IKZF1: variants seen among roughly 807,000 people sequenced by gnomAD.
The protein encoded by IKZF1 is DNA-binding protein Ikaros.
A neutral mutation model predicts 51.7 loss-of-function variants in IKZF1; 10 were observed. The ratio of observed to expected loss-of-function variants is 0.19; its 90% CI spans 0.12 to 0.33. The LOEUF (loss-of-function observed/expected upper bound fraction) is 0.33, where lower values mean the gene tolerates loss of function less well. Ranked by LOEUF, IKZF1 falls within the 10% of genes least tolerant of loss-of-function variation. IKZF1 has a pLI of 1.00. For missense variants in IKZF1, 484 were observed against 707.5 expected (o/e 0.68, Z 3.58); for synonymous variants, 280 against 282.3 (o/e 0.99, Z 0.08).
At chr7:50,375,633 G>A (rs1282251122) in intron 3 of IKZF1, among the ~76,000 whole-genome samples, 2 of 151,932 alleles carry the variant, frequency 1.3e-5, no homozygotes, top group African/African-American at 4.8e-5. Context: ...CTTGTGATGT[G>A]TGACTTAAAG....
rs1306274936 is a variant in IKZF1, at chr7:50,339,594, GAA to G, written c.160+11846_160+11847del. Among the ~76,000 whole-genome samples, 3 of 149,330 alleles carry G rather than the reference GAA, an allele frequency of 2.0e-5. No individual in the cohort carries two copies. The East Asian group carries it at 5.9e-4, about 29-fold the overall frequency. The stretch of plus-strand genomic sequence containing the variant: ...TGAAACCCCATCTCTACTAAAATAT[GAA>G]AAAAAAAATTAGCTGGGTGTGGTGG... On this transcript the variant is annotated intron_variant, in intron 3 of 7. Transcript: ENST00000331340.
At chr7:50,321,711 T>A (rs887563924) in intron 2 of IKZF1, among the ~76,000 whole-genome samples, 1 of 152,124 alleles carries the variant, frequency 6.6e-6, no homozygotes, top group Admixed American at 6.5e-5. Context: ...AATGTTTATA[T>A]AAGGAATAGC....
chr7:50,397,361 G>A (rs995850195), intron 7 of IKZF1, among the ~76,000 whole-genome samples: 2 of 152,200 alleles, frequency 1.3e-5, no homozygotes, highest in South Asian at 4.1e-4. Flanking sequence ...TATTAAGGAA[G>A]AGAAATTCTA....
At chr7:50,335,589 A>G (rs1397937001) in intron 3 of IKZF1, among the ~76,000 whole-genome samples, 2 of 128,966 alleles carry the variant, frequency 1.6e-5, no homozygotes, top group African/African-American at 3.0e-5. Context: ...TTGTATGTGT[A>G]TGGGATGTGT....
At chr7:50,321,521 A>G (rs1260274336) in intron 2 of IKZF1, among the ~76,000 whole-genome samples, 1 of 152,224 alleles carries the variant, frequency 6.6e-6, no homozygotes, top group Non-Finnish European at 1.5e-5. Flanking sequence ...CAGAGGCCAA[A>G]AAGATGCTTT....
chr7:50,354,781 C>T (rs1328712490), intron 3 of IKZF1, among the ~76,000 whole-genome samples: 3 of 152,028 alleles, frequency 2.0e-5, no homozygotes. Flanking sequence ...GGCTGTCTCC[C>T]CATGATGGGG....
Position 50,341,512 on chromosome 7 carries a change from A to G in IKZF1, c.160+13755A>G, listed in dbSNP as rs1269783767. Among the ~76,000 whole-genome samples the G allele has an allele frequency of 2.6e-5, 4 of 152,240 alleles. 1 individual carries two copies. In the South Asian group the frequency reaches 6.2e-4, roughly 24 times the overall value. ...CCAGCTTTATGCCTTATGAGACGCA[A>G]CAACGTTGAACAGTCATTGTTTGAG... On this transcript the variant is annotated intron_variant, in intron 3 of 7. Transcript: ENST00000331340.
chr7:50,348,958 C>T (rs1584672293), intron 3 of IKZF1, among the ~76,000 whole-genome samples: 1 of 152,190 alleles, frequency 6.6e-6, no homozygotes, highest in Admixed American at 6.5e-5. Context: ...CAGGTCCAGT[C>T]TCCAGCATGG....
intron 3 of IKZF1, among the ~76,000 whole-genome samples, chr7:50,367,389 G>T (rs544105505): frequency 6.6e-6 from 1 of 152,282 alleles, no homozygotes; most frequent in Non-Finnish European, 1.5e-5. Context: ...GGAACATGCT[G>T]GGAAACTGTC....
chr7:50,352,681 C>G (rs552599313), intron 3 of IKZF1, among the ~76,000 whole-genome samples: 58 of 152,276 alleles, frequency 3.8e-4, no homozygotes, highest in African/African-American at 1.4e-3. Context: ...ACATTTTCAA[C>G]CTCTTCGGTC....
At chr7:50,334,632 T>C (rs1033893953) in intron 3 of IKZF1, among the ~76,000 whole-genome samples, 1 of 151,490 alleles carries the variant, frequency 6.6e-6, no homozygotes, top group Non-Finnish European at 1.5e-5. Context: ...TGTGTATATG[T>C]GTATGGGATG....
chr7:50,346,884 A>G (rs1398520508), intron 3 of IKZF1, among the ~76,000 whole-genome samples: 4 of 152,218 alleles, frequency 2.6e-5, no homozygotes, highest in Non-Finnish European at 5.9e-5. Flanking sequence ...GAGCAGGAAT[A>G]ACACCTTCCT....
intron 2 of IKZF1, among the ~76,000 whole-genome samples, chr7:50,320,328 C>T (rs1792855410): frequency 6.6e-6 from 1 of 151,870 alleles, no homozygotes; most frequent in South Asian, 2.1e-4. Flanking sequence ...TACATAGACA[C>T]AAAATAATTG....
intron 3 of IKZF1, among the ~76,000 whole-genome samples, chr7:50,332,760 C>T (rs1428342756): frequency 6.6e-6 from 1 of 152,106 alleles, no homozygotes; most frequent in Non-Finnish European, 1.5e-5. Flanking sequence ...GCTTGATAAT[C>T]GGGACAACCT....
rs184798002 is a variant in IKZF1, at chr7:50,324,075, T to C, written c.41-3563T>C. Among the ~76,000 whole-genome samples the C allele has an allele frequency of 6.0e-4, 92 of 152,354 alleles. 1 individual carries two copies. The highest frequency in any genetic ancestry group is 2.0e-3 in the African/African-American group (85 of 41,576). On this transcript the variant is annotated intron_variant, in intron 2 of 7. Transcript: ENST00000331340. ...GATGCCTGTTGGCTTGATTTAGTCA[T>C]TTATTTTTTAGTGTTTTATAATCCT...
intron 2 of IKZF1, among the ~76,000 whole-genome samples, chr7:50,323,091 A>T (rs1381755721): frequency 6.6e-6 from 1 of 152,234 alleles, no homozygotes; most frequent in Non-Finnish European, 1.5e-5. Flanking sequence ...GGAATATTTT[A>T]TCAAGTTAAG....
intron 3 of IKZF1, among the ~76,000 whole-genome samples, chr7:50,373,832 A>G (rs1809443118): frequency 6.6e-6 from 1 of 152,180 alleles, no homozygotes; most frequent in South Asian, 2.1e-4. Context: ...ATGGTCATTA[A>G]GCACCATTGC....
chr7:50,368,772 T>C (rs1807774996), intron 3 of IKZF1: 1 of 236,956 alleles, frequency 4.2e-6, no homozygotes, highest in Admixed American at 5.3e-5. Context: ...AGCTGAATAT[T>C]TAAAGCCATA....
intron 5 of IKZF1, among the ~76,000 whole-genome samples, chr7:50,385,095 G>A (rs539951112): frequency 1.3e-5 from 2 of 152,262 alleles, no homozygotes; most frequent in South Asian, 4.1e-4. Flanking sequence ...ATAAAATGGT[G>A]GTAGACTTTG....
Sources: gnomAD v4.1 joint callset for allele counts (sites outside exome capture counted in the v4.1 genomes callset) on GRCh38, gnomAD v4.1.1 for gene constraint, MANE v1.5 for transcripts, NCBI Gene and HGNC (gene_info 2026-07-23, HGNC 2026-07-21) for gene names.